Variants in SYNE1 observed in about 807,000 individuals in gnomAD.
The protein encoded by SYNE1 is nesprin-1.
In SYNE1, 616 loss-of-function variants were observed where a neutral mutation model predicts 1,111.0. That is an observed-to-expected ratio of 0.55 (90% CI 0.52 to 0.59). The LOEUF (loss-of-function observed/expected upper bound fraction) is 0.59, where lower values mean the gene tolerates loss of function less well. SYNE1 is among the 20% of genes least tolerant of loss of function. The pLI is 0.00. For missense variants in SYNE1, 10,006 were observed against 10,417.0 expected (o/e 0.96, Z 1.72); for synonymous variants, 3,855 against 3,825.8 (o/e 1.01, Z -0.28).
chr6:152,507,766 A>T (rs1255928903), intron 8 of SYNE1, among the ~76,000 whole-genome samples: 1 of 152,202 alleles, frequency 6.6e-6, no homozygotes, highest in Non-Finnish European at 1.5e-5. Flanking sequence ...TATAAATGTG[A>T]CAATAGTTAT....
At chr6:152,456,755 G>GAAAGAAATGAGCAA (rs2098699163) in intron 22 of SYNE1, 1 of 448,140 alleles carries the variant, frequency 2.2e-6, no homozygotes, top group Non-Finnish European at 4.5e-6. Flanking sequence ...CAAGGCAGAG[G>GAAAGAAATGAGCAA]GTCATTTTTT....
rs946299730 is a variant in SYNE1, at chr6:152,413,231, G to A, written c.6230+121C>T. The A allele has an allele frequency of 4.3e-5, 47 of 1,103,574 alleles. No individual in the cohort carries two copies. In the South Asian group the frequency reaches 6.0e-4, roughly 14 times the overall value. The allele number at this position is 1,103,574 out of a possible 1,614,324, so 68.4% of individuals were successfully genotyped here. A position where few individuals can be genotyped will look rare whatever the true frequency, so the allele number is the denominator to read the frequency against. On this transcript the variant is annotated intron_variant, in intron 42 of 145. Coordinates refer to ENST00000367255, the MANE Select transcript of SYNE1 (RefSeq NM_182961.4). Reference sequence around the variant, plus strand: ...TTTTCAATGTTATGAAAGTGACACAGAATATCTAAAATGGTAAAAGATATT... The same window carrying A: ...TTTTCAATGTTATGAAAGTGACACAAAATATCTAAAATGGTAAAAGATATT...
chr6:152,201,348 G>A (rs1292159785), intron 127 of SYNE1, among the ~76,000 whole-genome samples: 4 of 151,890 alleles, frequency 2.6e-5, no homozygotes, highest in Non-Finnish European at 1.5e-5. Context: ...AGCAATTTAG[G>A]GATTGTGTGT....
At chr6:152,334,891 GACGGAAACCTTCC>G (rs2096346088) in intron 76 of SYNE1, among the ~76,000 whole-genome samples, 1 of 152,182 alleles carries the variant, frequency 6.6e-6, no homozygotes. Context: ...GAACGCCTCT[GACGGAAACCTTCC>G]AAATGTCAGA....
In SYNE1 at chr6:152,376,536, C is replaced by T. The variant is rs766846025; in HGVS notation, c.9169G>A (p.Gly3057Ser). 3 of 1,613,748 alleles carry T rather than the reference C, an allele frequency of 1.9e-6. No homozygotes were observed. Among genetic ancestry groups the T allele is most frequent in the African/African-American group, 2.7e-5 (2 of 74,830 alleles). The change falls in exon 58 of 146, where the codon GGC (glycine) becomes AGC (serine). Residue 3057 changes from glycine (G) to serine (S), a missense_variant. This residue lies in a region of SYNE1 where 4,955 missense variants were observed against 5,017.2 expected (regional missense o/e 0.99). Transcript: ENST00000367255. ...YNCLCLQASK[G>S]CQNKEQILQQ... ...AAAATCTGTTCTTTATTCTGGCAGC[C>T]CTTGGATGCTTGCAAACAAAGACTG...
Position 152,330,989 on chromosome 6 carries a change from G to A in SYNE1, c.13696C>T (p.His4566Tyr). 8 of 1,614,126 alleles carry A rather than the reference G, an allele frequency of 5.0e-6. No homozygotes were observed. The highest frequency in any genetic ancestry group is 1.1e-5 in the South Asian group (1 of 91,084). ...GCTTTATCAAAATCTTCCTTAAAATGCTTCCTAGAAACCAAATTCTTCTCT... is the reference window on the plus strand; with the variant it reads ...GCTTTATCAAAATCTTCCTTAAAATACTTCCTAGAAACCAAATTCTTCTCT... ...ELEKNLVSRKHFKEDFDKACH... is the reference protein window; with the variant it reads ...ELEKNLVSRKYFKEDFDKACH... Residue 4566 changes from histidine to tyrosine, a missense_variant, in exon 78 of 146, where the codon CAT (histidine) becomes TAT (tyrosine). Around this residue, in one of 7 missense-constraint regions of SYNE1, gnomAD observed 4,955 missense variants for 5,017.2 expected, o/e 0.99. Transcript: ENST00000367255.
chr6:152,356,812 A>C (rs911842225), intron 66 of SYNE1, among the ~76,000 whole-genome samples: 10 of 152,122 alleles, frequency 6.6e-5, no homozygotes, highest in Non-Finnish European at 1.0e-4. Context: ...TGGTGAAATC[A>C]GGGGGAGGTT....
Position 152,551,192 on chromosome 6 carries a change from T to C in SYNE1, c.68-11171A>G, listed in dbSNP as rs114458392. Among the ~76,000 whole-genome samples the C allele has an allele frequency of 5.5e-3, 842 of 152,294 alleles. 9 individuals are homozygous for C. The highest frequency in any genetic ancestry group is 0.019 in the African/African-American group (791 of 41,560). ...TGTATCTGTACAGCACTTGAACTTA[T>C]TCATGTTTTGTATACATTTCTCATT... On this transcript the variant is annotated intron_variant, in intron 3 of 145. Transcript: ENST00000367255.
chr6:152,230,537 G>A lies in SYNE1; in HGVS notation c.21195+10C>T, dbSNP rs747987132. 6.2e-7 allele frequency: 1 copy of A among 1,613,828 alleles called. No individual in the cohort carries two copies. The highest frequency in any genetic ancestry group is 8.5e-7 in the Non-Finnish European group (1 of 1,179,818). ...TGAGATGGTGCATGTTAGCCACCTG[G>A]ACAAGTTACCTGACAGTCTTTCAGT... On this transcript the variant is annotated intron_variant, in intron 115 of 145. Transcript: ENST00000367255.
At chr6:152,173,361 T>C (rs1463228401) in intron 130 of SYNE1, among the ~76,000 whole-genome samples, 1 of 152,218 alleles carries the variant, frequency 6.6e-6, no homozygotes, top group Admixed American at 6.5e-5. Context: ...AAAAATACTA[T>C]CATCTTCAAA....
chr6:152,546,072 T>G (rs1374904585), intron 3 of SYNE1: 1 of 152,188 alleles, frequency 6.6e-6, no homozygotes. Context: ...TAATGATTAT[T>G]AATTACCAAA....
chr6:152,555,248 A>G (rs968443170), intron 3 of SYNE1, among the ~76,000 whole-genome samples: 2 of 152,216 alleles, frequency 1.3e-5, no homozygotes, highest in Admixed American at 1.3e-4. Flanking sequence ...CCGTTCCCCC[A>G]GTATAAGCAT....
intron 137 of SYNE1, 108 bp from the exon 138 acceptor site, chr6:152,143,873 A>G: frequency 6.5e-7 from 1 of 1,527,566 alleles, no homozygotes; most frequent in Non-Finnish European, 9.0e-7. Context: ...GCAGCATAGA[A>G]ATGGCAGGTG....
rs1563461409 is a variant in SYNE1 at position 152,371,900 on chromosome 6, A to AAGGACAGGACAGGACAGGACAGGAC, written c.9507+1136_9507+1137insGTCCTGTCCTGTCCTGTCCTGTCCT. Among the ~76,000 whole-genome samples, 3 of 90,328 alleles carry AAGGACAGGACAGGACAGGACAGGAC rather than the reference A, an allele frequency of 3.3e-5. 1 individual carries two copies. Among genetic ancestry groups the AAGGACAGGACAGGACAGGACAGGAC allele is most frequent in the African/African-American group, 1.4e-4 (3 of 21,230 alleles). 59.3% of individuals were successfully genotyped at this position (90,328 alleles called of 152,430 possible). A position where few individuals can be genotyped will look rare whatever the true frequency, so the allele number is the denominator to read the frequency against. Reference sequence around the variant, plus strand: ...AAGGAAAGGAAAGGAAAGGAAAGGAAAGGAAAGGAAAGGAAAGGAAAGGAC... The same window carrying AAGGACAGGACAGGACAGGACAGGAC: ...AAGGAAAGGAAAGGAAAGGAAAGGAAAGGACAGGACAGGACAGGACAGGACAGGAAAGGAAAGGAAAGGAAAGGAC... On this transcript the variant is annotated intron_variant, in intron 59 of 145. Transcript: ENST00000367255.
intron 41 of SYNE1, among the ~76,000 whole-genome samples, chr6:152,415,766 C>T (rs2098141193): frequency 8.7e-6 from 1 of 115,250 alleles, no homozygotes; most frequent in African/African-American, 3.5e-5. Flanking sequence ...TCAAATTAGT[C>T]GTTAATCTTA....
Position 152,376,511 on chromosome 6 carries a change from A to G in SYNE1, c.9194T>C (p.Leu3065Ser), listed in dbSNP as rs2097283921. 8 of 1,614,056 alleles carry G rather than the reference A, an allele frequency of 5.0e-6. No homozygotes were observed. In the Admixed American group the frequency reaches 6.7e-5, roughly 13 times the overall value. ...SKGCQNKEQI[L>S]QQRFRKAFRD... is the part of the protein sequence containing the mutation. ...GAAGGCCTTTCGAAATCTTTGCTGTAAAATCTGTTCTTTATTCTGGCAGCC... is the reference window on the plus strand; with the variant it reads ...GAAGGCCTTTCGAAATCTTTGCTGTGAAATCTGTTCTTTATTCTGGCAGCC... Residue 3065 changes from leucine to serine, a missense_variant, in exon 58 of 146, where the codon TTA (leucine) becomes TCA (serine). By Grantham distance (145) the Leu-to-Ser change is moderately radical (BLOSUM62 -2). Transcript: ENST00000367255.
rs542749643 is a variant in SYNE1 at position 152,380,141 on chromosome 6, G to C, written c.9009+865C>G. Reference sequence around the variant, plus strand: ...AAGAGGTAGAAAGCTTTATTTTATGGCATGCTGCATTTGTTTCAAATACTT... The same window carrying C: ...AAGAGGTAGAAAGCTTTATTTTATGCCATGCTGCATTTGTTTCAAATACTT... On this transcript the variant is annotated intron_variant, in intron 56 of 145. Coordinates refer to ENST00000367255, the MANE Select transcript of SYNE1 (RefSeq NM_182961.4). Among the ~76,000 whole-genome samples the C allele has an allele frequency of 6.6e-5, 10 of 152,274 alleles. No individual in the cohort carries two copies. The East Asian group carries it at 1.9e-3, about 29-fold the overall frequency.
rs375735034 is a variant in SYNE1 at position 152,416,373 on chromosome 6, A to C, written c.6050+14T>G. Reference sequence around the variant, plus strand: ...AAGAAAAGAGACAAGTGGCCGTGACAGTTTCCTATTTACCTCTGCTGAAGA... The same window carrying C: ...AAGAAAAGAGACAAGTGGCCGTGACCGTTTCCTATTTACCTCTGCTGAAGA... On this transcript the variant is annotated intron_variant, in intron 41 of 145. Coordinates refer to ENST00000367255, the MANE Select transcript of SYNE1 (RefSeq NM_182961.4). 24 of 1,613,572 alleles carry C rather than the reference A, an allele frequency of 1.5e-5. No homozygotes were observed. In the African/African-American group the frequency reaches 2.9e-4, roughly 20 times the overall value.
chr6:152,494,506 C>T (rs1204419724), intron 11 of SYNE1, among the ~76,000 whole-genome samples: 1 of 152,184 alleles, frequency 6.6e-6, no homozygotes, highest in Non-Finnish European at 1.5e-5. Flanking sequence ...CAAAGGCAGG[C>T]TATGCTATAG....
Sources: allele counts gnomAD v4.1 joint callset (sites outside exome capture counted in the v4.1 genomes callset), GRCh38; gene constraint gnomAD v4.1.1; regional missense constraint gnomAD v4.1.1; transcripts MANE v1.5; gene names NCBI Gene and HGNC (gene_info 2026-07-23, HGNC 2026-07-21).